CADPS2: variants seen among roughly 807,000 people sequenced by gnomAD.
The protein encoded by CADPS2 is calcium dependent secretion activator 2.
Under a neutral mutation model 172.5 loss-of-function variants are expected in CADPS2, and 93 were observed. That is an observed-to-expected ratio of 0.54 (90% CI 0.46 to 0.64). The LOEUF is 0.64. Ranked by LOEUF, CADPS2 falls within the 30% of genes least tolerant of loss-of-function variation. The probability of loss-of-function intolerance (pLI) is 0.00; values close to 1 mark genes in which losing one functional copy is unlikely to be tolerated. For missense variants in CADPS2, 1,420 were observed against 1,565.9 expected (o/e 0.91, Z 1.57); for synonymous variants, 546 against 555.2 (o/e 0.98, Z 0.23).
At chr7:122,522,908 TC>T (rs2060921816) in intron 8 of CADPS2, among the ~76,000 whole-genome samples, 1 of 152,206 alleles carries the variant, frequency 6.6e-6, no homozygotes, top group Admixed American at 6.6e-5. Flanking sequence ...AGGATTTCAT[TC>T]TTTTTTATAG....
intron 27 of CADPS2, among the ~76,000 whole-genome samples, chr7:122,350,333 CAT>C (rs1407331935): frequency 6.6e-6 from 1 of 152,070 alleles, no homozygotes; most frequent in Non-Finnish European, 1.5e-5. Flanking sequence ...GTTCTACAAA[CAT>C]GTAATTTATC....
At chr7:122,604,146 TA>T (rs2073175134) in intron 6 of CADPS2, among the ~76,000 whole-genome samples, 2 of 152,258 alleles carry the variant, frequency 1.3e-5, no homozygotes, top group East Asian at 3.9e-4. Flanking sequence ...TTTCTGTTTT[TA>T]AATATTATGA....
chr7:122,550,826 T>C (rs12538802), intron 8 of CADPS2, among the ~76,000 whole-genome samples: 2,486 of 152,198 alleles, frequency 0.016, 61 homozygotes, highest in African/African-American at 0.057. Context: ...CATTTAACCA[T>C]TCAAAACATA....
At chr7:122,467,455 T>C (rs1460837352) in intron 14 of CADPS2, among the ~76,000 whole-genome samples, 1 of 152,304 alleles carries the variant, frequency 6.6e-6, no homozygotes, top group Admixed American at 6.5e-5. Flanking sequence ...ACAGAGGTAT[T>C]ATGATATGAT....
intron 1 of CADPS2, among the ~76,000 whole-genome samples, chr7:122,815,688 T>C (rs1267228897): frequency 6.6e-6 from 1 of 152,170 alleles, no homozygotes; most frequent in Non-Finnish European, 1.5e-5. Context: ...TAAATCCATA[T>C]AAATTTCTAC....
intron 2 of CADPS2, among the ~76,000 whole-genome samples, chr7:122,730,181 A>G (rs1446493946): frequency 6.6e-6 from 1 of 151,832 alleles, no homozygotes; most frequent in East Asian, 1.9e-4. Context: ...AATGGGACAT[A>G]GGACATGAAC....
At chr7:122,350,584 T>C (rs1267995066) in intron 27 of CADPS2, among the ~76,000 whole-genome samples, 1 of 152,212 alleles carries the variant, frequency 6.6e-6, no homozygotes, top group East Asian at 1.9e-4. Flanking sequence ...GTAGATTATA[T>C]TGTATTCCCA....
chr7:122,790,664 G>T (rs1316165965), intron 1 of CADPS2, among the ~76,000 whole-genome samples: 1 of 152,116 alleles, frequency 6.6e-6, no homozygotes, highest in East Asian at 1.9e-4. Context: ...TTTCTTCAAA[G>T]TGCCTAAATC....
At chr7:122,723,101 A>G (rs1204566745) in intron 2 of CADPS2, among the ~76,000 whole-genome samples, 1 of 152,170 alleles carries the variant, frequency 6.6e-6, no homozygotes, top group Non-Finnish European at 1.5e-5. Flanking sequence ...AGGCAATACC[A>G]TTCAGGACAT....
At chr7:122,455,831 C>T (rs566998115) in intron 14 of CADPS2, among the ~76,000 whole-genome samples, 1 of 152,196 alleles carries the variant, frequency 6.6e-6, no homozygotes, top group East Asian at 1.9e-4. Context: ...CTCAGCCTCC[C>T]AAGTGGCTGG....
Position 122,701,936 on chromosome 7 carries a change from C to T in CADPS2, c.453+35019G>A, listed in dbSNP as rs377391654. 5.0e-6 allele frequency: 8 copies of T among 1,613,376 alleles called. No homozygotes were observed. The South Asian group carries it at 5.5e-5, about 11-fold the overall frequency. On this transcript the variant is annotated intron_variant, in intron 2 of 29. Coordinates refer to ENST00000449022, the MANE Select transcript of CADPS2 (RefSeq NM_017954.11). ...GAAAAAATGTTTGCAAGTTAAAATG[C>T]GTACTACATCTTGGGGTTTGTATGT...
rs190278313 is a variant in CADPS2 at position 122,414,003 on chromosome 7, G to A, written c.2589+65C>T. 1.1e-5 allele frequency: 14 copies of A among 1,323,330 alleles called. No individual in the cohort carries two copies. In the Admixed American group the frequency reaches 2.3e-4, roughly 22 times the overall value. The allele number at this position is 1,323,330 out of a possible 1,614,324, so 82.0% of individuals were successfully genotyped here. ...AAATGGACTACAATCAGAGTAGATT[G>A]TATTTTAAATTCACATAAAAGAGGT... On this transcript the variant is annotated intron_variant, in intron 19 of 29. Transcript: ENST00000449022.
chr7:122,423,265 G>A (rs1441992939), intron 17 of CADPS2, among the ~76,000 whole-genome samples: 1 of 152,066 alleles, frequency 6.6e-6, no homozygotes, highest in Admixed American at 6.6e-5. Flanking sequence ...AATACTTATA[G>A]GCTTTCTTAT....
intron 9 of CADPS2, among the ~76,000 whole-genome samples, chr7:122,504,408 T>C (rs1271701704): frequency 6.6e-6 from 1 of 152,172 alleles, no homozygotes; most frequent in African/African-American, 2.4e-5. Flanking sequence ...TAACGCAGTA[T>C]AGTCAGCACC....
intron 3 of CADPS2, among the ~76,000 whole-genome samples, chr7:122,662,721 T>C (rs2080742130): frequency 1.3e-5 from 2 of 152,138 alleles, no homozygotes; most frequent in Non-Finnish European, 2.9e-5. Context: ...GAAGAGAAAA[T>C]ATAATATTCA....
At chr7:122,600,867 T>C (rs1355560907) in intron 6 of CADPS2, among the ~76,000 whole-genome samples, 1 of 152,100 alleles carries the variant, frequency 6.6e-6, no homozygotes, top group Non-Finnish European at 1.5e-5. Context: ...CCTGAAACAC[T>C]GCTCACATAT....
At position 122,886,148 on chromosome 7, in the gene CADPS2, G is replaced by A. The variant is rs1824312723; in HGVS notation, c.190C>T (p.Leu64Phe). ...ARSVSPSPSV[L>F]SEGRDEPQRQ... ...TGGGGCTCGTCTCGCCCCTCGCTGA[G>A]CACAGAGGGGCTCGGGCTCACAGAT... Residue 64 changes from leucine to phenylalanine, a missense_variant, in exon 1 of 30, where the codon CTC (leucine) becomes TTC (phenylalanine). Leu to Phe is a conservative substitution (Grantham distance 22). Coordinates refer to ENST00000449022, the MANE Select transcript of CADPS2 (RefSeq NM_017954.11). 6.5e-7 allele frequency: 1 copy of A among 1,544,398 alleles called. No homozygotes were observed. Among genetic ancestry groups the A allele is most frequent in the Non-Finnish European group, 8.7e-7 (1 of 1,145,176 alleles).
intron 1 of CADPS2, among the ~76,000 whole-genome samples, chr7:122,788,701 T>G (rs35914742): frequency 6.6e-6 from 1 of 152,018 alleles, no homozygotes; most frequent in Non-Finnish European, 1.5e-5. Flanking sequence ...TTAGGCTGAT[T>G]GCACTATGCC....
intron 2 of CADPS2, chr7:122,702,601 A>G (rs759880284): frequency 6.2e-7 from 1 of 1,606,790 alleles, no homozygotes; most frequent in Non-Finnish European, 8.5e-7. Flanking sequence ...ATGTGATCTC[A>G]TTTCCAACCT....
Sources: allele counts gnomAD v4.1 joint callset (sites outside exome capture counted in the v4.1 genomes callset), GRCh38; gene constraint gnomAD v4.1.1; transcripts MANE v1.5; gene names NCBI Gene and HGNC (gene_info 2026-07-23, HGNC 2026-07-21).